The following ATF7 variants were observed in gnomAD, a reference collection of about 807,000 sequenced individuals.
ATF7 encodes the protein activating transcription factor 7, also known as cyclic AMP-dependent transcription factor ATF-7.
Under a neutral mutation model 50.4 loss-of-function variants are expected in ATF7, and 10 were observed. The observed-to-expected ratio is 0.20, with a 90% CI of 0.12 to 0.34. ATF7 has a LOEUF of 0.34. Among genes scored for constraint, ATF7 ranks in the 10% least tolerant of loss-of-function variants. The pLI is 1.00. For synonymous variants in ATF7, 201 were observed against 226.4 expected, an observed-to-expected ratio of 0.89 and a Z score of 1.01; for missense variants, 465 against 613.9, an observed-to-expected ratio of 0.76 and a Z score of 2.56.
At chr12:53,550,455 A>G (rs1940286775) in intron 3 of ATF7, among the ~76,000 whole-genome samples, 4 of 152,000 alleles carry the variant, frequency 2.6e-5, no homozygotes, top group South Asian at 2.1e-4. Flanking sequence ...TGGCTTTTCA[A>G]TAGTATGTAT....
At chr12:53,618,773 C>T (rs1003425024) in intron 1 of ATF7, among the ~76,000 whole-genome samples, 1 of 151,958 alleles carries the variant, frequency 6.6e-6, no homozygotes, top group East Asian at 1.9e-4. Context: ...AAGTTAGGGT[C>T]GGACGCGATG....
At chr12:53,607,849 A>G (rs1943677337) in intron 1 of ATF7, among the ~76,000 whole-genome samples, 1 of 152,210 alleles carries the variant, frequency 6.6e-6, no homozygotes, top group East Asian at 1.9e-4. Flanking sequence ...TACAATAATC[A>G]CAGATTGCTT....
At position 53,600,987 on chromosome 12, in the gene ATF7, C is replaced by G; in HGVS notation, c.14G>C (p.Arg5Thr). MGDD[R>T]PFVCNAPGCG... ...GCCCGGGGCATTGCACACAAACGGT[C>G]TGTCGTCTCCCATATTTCATATAGC... Residue 5 changes from arginine (R) to threonine (T), a missense_variant, in exon 2 of 12, where the codon AGA (arginine) becomes ACA (threonine). By Grantham distance (71) the Arg-to-Thr change is moderately conservative. Coordinates refer to ENST00000420353, the MANE Select transcript of ATF7 (RefSeq NM_006856.3). 4 of 1,612,894 alleles carry G rather than the reference C, an allele frequency of 2.5e-6. No homozygotes were observed. The highest frequency in any genetic ancestry group is 3.4e-6 in the Non-Finnish European group (4 of 1,179,498).
intron 2 of ATF7, among the ~76,000 whole-genome samples, chr12:53,565,178 T>C (rs1941379629): frequency 1.3e-5 from 2 of 152,004 alleles, no homozygotes; most frequent in Admixed American, 1.3e-4. Flanking sequence ...AGGTGCCCAA[T>C]AAATCACAGC....
At chr12:53,519,700 T>C (rs541150953) in intron 11 of ATF7, among the ~76,000 whole-genome samples, 136 of 152,338 alleles carry the variant, frequency 8.9e-4, no homozygotes, top group Non-Finnish European at 1.8e-3. Context: ...ATATAGATTA[T>C]ATACTGATAA....
In ATF7 at chr12:53,513,781, T is replaced by C. The variant is rs1388062072; in HGVS notation, c.*3356A>G. The C allele has an allele frequency of 6.6e-6, 1 of 152,038 alleles. No individual in the cohort carries two copies. The highest frequency in any genetic ancestry group is 1.5e-5 in the Non-Finnish European group (1 of 68,038). 9.4% of individuals were successfully genotyped at this position (152,038 alleles called of 1,614,324 possible). A position where few individuals can be genotyped will look rare whatever the true frequency, so the allele number is the denominator to read the frequency against. On this transcript the variant is annotated 3_prime_UTR_variant, in exon 12 of 12. Transcript: ENST00000420353. ...AGCCCCAGAAACCACAGGAAGAATT[T>C]TTTTGGTGTCTGTTTGGTGGTTCAG... is the stretch of plus-strand genomic sequence containing the variant.
chr12:53,595,556 C>T (rs1056166822), intron 2 of ATF7, among the ~76,000 whole-genome samples: 1 of 152,128 alleles, frequency 6.6e-6, no homozygotes, highest in African/African-American at 2.4e-5. Context: ...CAGCATTTAA[C>T]CAATCATAGG....
intron 2 of ATF7, among the ~76,000 whole-genome samples, chr12:53,577,010 C>T (rs1339993541): frequency 2.6e-5 from 4 of 152,030 alleles, no homozygotes; most frequent in African/African-American, 4.8e-5. Context: ...GACCTGAGAT[C>T]GTGCCACTGC....
intron 3 of ATF7, among the ~76,000 whole-genome samples, chr12:53,548,201 G>A (rs1940078383): frequency 6.6e-6 from 1 of 151,690 alleles, no homozygotes; most frequent in South Asian, 2.1e-4. Context: ...GTTAAGATGG[G>A]TCTCATGTTG....
intron 1 of ATF7, among the ~76,000 whole-genome samples, chr12:53,602,729 T>C (rs1048449594): frequency 1.3e-5 from 2 of 152,216 alleles, no homozygotes; most frequent in Non-Finnish European, 2.9e-5. Flanking sequence ...GATTGGGTAC[T>C]GGGAAATGAG....
rs181725910 is a variant in ATF7 at position 53,516,367 on chromosome 12, G to A, written c.*770C>T. ...AATGAGGTTGCCAAGGCTTAGTGGGGTGGTGGGAAAGACCCCACCACTACA... is the reference window on the plus strand; with the variant it reads ...AATGAGGTTGCCAAGGCTTAGTGGGATGGTGGGAAAGACCCCACCACTACA... On this transcript the variant is annotated 3_prime_UTR_variant, in exon 12 of 12. Transcript: ENST00000420353. 2.0e-5 allele frequency: 3 copies of A among 152,388 alleles called. No individual in the cohort carries two copies. Among genetic ancestry groups the A allele is most frequent in the Admixed American group, 2.0e-4 (3 of 15,286 alleles). The allele number at this position is 152,388 out of a possible 1,614,324, so 9.4% of individuals were successfully genotyped here.
chr12:53,589,304 A>G (rs1210021778), intron 2 of ATF7, among the ~76,000 whole-genome samples: 1 of 152,214 alleles, frequency 6.6e-6, no homozygotes, highest in African/African-American at 2.4e-5. Flanking sequence ...AGGATTAAAT[A>G]AAATATCCCT....
chr12:53,610,597 ACAC>A (rs1447973741), intron 1 of ATF7, among the ~76,000 whole-genome samples: 4 of 151,192 alleles, frequency 2.6e-5, no homozygotes, highest in Admixed American at 2.6e-4. Flanking sequence ...ACAAGAATGG[ACAC>A]CACATCTATT....
chr12:53,538,356 C>T (rs1016229744), intron 4 of ATF7, among the ~76,000 whole-genome samples: 11 of 152,150 alleles, frequency 7.2e-5, no homozygotes, highest in African/African-American at 2.2e-4. Flanking sequence ...TTCTGGGGAA[C>T]TCACCATGCT....
intron 2 of ATF7, among the ~76,000 whole-genome samples, chr12:53,563,525 G>A (rs1283183246): frequency 6.6e-6 from 1 of 152,186 alleles, no homozygotes; most frequent in African/African-American, 2.4e-5. Context: ...GGCTGAGGTG[G>A]GAGGGATCAC....
intron 2 of ATF7, among the ~76,000 whole-genome samples, chr12:53,556,580 A>G (rs894250355): frequency 6.6e-6 from 1 of 152,242 alleles, no homozygotes; most frequent in Non-Finnish European, 1.5e-5. Flanking sequence ...CTGGGCAACA[A>G]GAGCAAGACT....
downstream of ATF7, among the ~76,000 whole-genome samples, chr12:53,510,449 T>G (rs1399370858): frequency 6.6e-6 from 1 of 152,114 alleles, no homozygotes; most frequent in East Asian, 1.9e-4. Flanking sequence ...GTGACAGAGG[T>G]CCAGAGGAGC....
rs1386871425 is a variant in ATF7, at chr12:53,524,524, G to T, written c.1125+40C>A. 1 of 1,605,364 alleles carries T rather than the reference G, an allele frequency of 6.2e-7. No homozygotes were observed. The highest frequency in any genetic ancestry group is 1.1e-5 in the South Asian group (1 of 90,036). Reference sequence around the variant, plus strand: ...TTTTCTGATTCCATCCCACTTTCTGGATTTTCAACAATTCCAATAAGCATC... The same window carrying T: ...TTTTCTGATTCCATCCCACTTTCTGTATTTTCAACAATTCCAATAAGCATC... On this transcript the variant is annotated intron_variant, in intron 10 of 11. Transcript: ENST00000420353. This position sits in a 1 kb window ranked among gnomAD's most constrained non-coding sequence, Gnocchi z 4.6.
chr12:53,601,526 C>G lies in ATF7; in HGVS notation c.-21-505G>C, dbSNP rs566022397. Reference sequence around the variant, plus strand: ...AAGGGCTGTTTATCCCATATTATTGCCAAAGAAAACAAAGCACCCATCCTA... The same window carrying G: ...AAGGGCTGTTTATCCCATATTATTGGCAAAGAAAACAAAGCACCCATCCTA... On this transcript the variant is annotated intron_variant, in intron 1 of 11. Coordinates refer to ENST00000420353, the MANE Select transcript of ATF7 (RefSeq NM_006856.3). Among the ~76,000 whole-genome samples, 3 of 152,060 alleles carry G rather than the reference C, an allele frequency of 2.0e-5. No individual in the cohort carries two copies. The South Asian group carries it at 6.2e-4, about 32-fold the overall frequency.
Sources: allele counts gnomAD v4.1 joint callset (sites outside exome capture counted in the v4.1 genomes callset), GRCh38; gene constraint gnomAD v4.1.1; non-coding constraint Gnocchi (gnomAD v3.1); transcripts MANE v1.5; gene names NCBI Gene and HGNC (gene_info 2026-07-23, HGNC 2026-07-21).